STAC: variants seen among roughly 807,000 people sequenced by gnomAD.
STAC encodes SH3 and cysteine rich domain, also known as SH3 and cysteine-rich domain-containing protein.
STAC carries 43 observed loss-of-function variants against 48.8 expected under a neutral mutation model. The ratio of observed to expected loss-of-function variants is 0.88; its 90% CI spans 0.69 to 1.14. STAC has a LOEUF of 1.14. Among genes scored for constraint, STAC ranks in the 50% most tolerant of loss-of-function variants. STAC has a pLI of 0.00. For missense variants in STAC, 497 were observed against 504.0 expected (o/e 0.99, Z 0.13); for synonymous variants, 193 against 179.5 (o/e 1.07, Z -0.60).
intron 2 of STAC, among the ~76,000 whole-genome samples, chr3:36,481,012 A>G (rs1697631637): frequency 6.6e-6 from 1 of 152,246 alleles, no homozygotes; most frequent in Non-Finnish European, 1.5e-5. Flanking sequence ...AAAAAGTAAG[A>G]GGAAAAGGAT....
At chr3:36,517,726 C>T (rs556006691) in intron 8 of STAC, among the ~76,000 whole-genome samples, 48 of 152,212 alleles carry the variant, frequency 3.2e-4, no homozygotes, top group Middle Eastern at 6.8e-3. Flanking sequence ...ATAATCAGCA[C>T]TGTTGTCATT....
At chr3:36,542,364 A>C (rs1699349280) in intron 10 of STAC, among the ~76,000 whole-genome samples, 2 of 152,190 alleles carry the variant, frequency 1.3e-5, no homozygotes, top group African/African-American at 4.8e-5. Context: ...TCAGAAGGTC[A>C]GCCAAAGGTC....
intron 1 of STAC, among the ~76,000 whole-genome samples, chr3:36,438,964 G>C (rs1214901705): frequency 6.6e-6 from 1 of 152,170 alleles, no homozygotes; most frequent in Admixed American, 6.5e-5. Context: ...TATATAAAAT[G>C]AAAGAAATAG....
chr3:36,382,138 T>C (rs758687717), intron 1 of STAC, among the ~76,000 whole-genome samples: 35 of 152,256 alleles, frequency 2.3e-4, no homozygotes, highest in Non-Finnish European at 4.4e-4. Flanking sequence ...ATGCACTACC[T>C]CTCCTCAGTC....
chr3:36,462,795 G>A (rs1352938938), intron 2 of STAC, among the ~76,000 whole-genome samples: 1 of 152,178 alleles, frequency 6.6e-6, no homozygotes, highest in East Asian at 1.9e-4. Context: ...TGGTAAGGAA[G>A]AGATTCTAAT....
chr3:36,503,453 T>C (rs1403605501), intron 6 of STAC, among the ~76,000 whole-genome samples: 1 of 152,118 alleles, frequency 6.6e-6, no homozygotes, highest in East Asian at 1.9e-4. Flanking sequence ...GTTTTTTAGA[T>C]GGAGTCTCAC....
In STAC at chr3:36,546,380, A is replaced by G; in HGVS notation, c.*91A>G. 2 of 1,089,854 alleles carry G rather than the reference A, an allele frequency of 1.8e-6. No individual in the cohort carries two copies. Among genetic ancestry groups the G allele is most frequent in the Non-Finnish European group, 2.8e-6 (2 of 711,768 alleles). 67.5% of individuals were successfully genotyped at this position (1,089,854 alleles called of 1,614,324 possible). ...TGCGTCAACCCAAAGGAGCTGCCGC[A>G]CTGACCCAGCCCCCCAGGAAACAGT... On this transcript the variant is annotated 3_prime_UTR_variant, in exon 11 of 11. Coordinates refer to ENST00000273183, the MANE Select transcript of STAC (RefSeq NM_003149.3).
At chr3:36,437,079 C>T (rs1172105321) in intron 1 of STAC, among the ~76,000 whole-genome samples, 2 of 151,976 alleles carry the variant, frequency 1.3e-5, no homozygotes, top group South Asian at 2.1e-4. Context: ...CAATGAGATA[C>T]CATCTCACAC....
intron 6 of STAC, among the ~76,000 whole-genome samples, chr3:36,497,979 A>T (rs1698188771): frequency 6.6e-6 from 1 of 152,174 alleles, no homozygotes; most frequent in African/African-American, 2.4e-5. Context: ...GACCTCAAAA[A>T]CTTCTCAGAA....
At chr3:36,432,166 CT>C (rs997915896) in intron 1 of STAC, among the ~76,000 whole-genome samples, 14 of 152,290 alleles carry the variant, frequency 9.2e-5, no homozygotes, top group African/African-American at 3.4e-4. Context: ...TTGCCAGATA[CT>C]TTAGATGCTT....
chr3:36,400,986 C>G lies in STAC; in HGVS notation c.111+20232C>G, dbSNP rs77966992. 1.2e-3 allele frequency among the ~76,000 whole-genome samples: 177 copies of G among 152,308 alleles called. 3 individuals are homozygous for G. In the East Asian group the frequency reaches 0.026, roughly 22 times the overall value. On this transcript the variant is annotated intron_variant, in intron 1 of 10. Transcript: ENST00000273183. Reference sequence around the variant, plus strand: ...TAATGGGTTAGTCCAACCTTTCATACACCATCCCTTCTTCCCCAGCTGTGG... The same window carrying G: ...TAATGGGTTAGTCCAACCTTTCATAGACCATCCCTTCTTCCCCAGCTGTGG...
In STAC at chr3:36,507,347, G is replaced by A. The variant is rs543378975; in HGVS notation, c.920+1513G>A. Among the ~76,000 whole-genome samples the A allele has an allele frequency of 1.8e-4, 28 of 152,200 alleles. 1 individual carries two copies. In the South Asian group the frequency reaches 5.2e-3, roughly 28 times the overall value. ...AGTATTTTATGAGGATTTTCACATC[G>A]ATGTTCATCAGGGATATTGGCCTGA... On this transcript the variant is annotated intron_variant, in intron 8 of 10. Transcript: ENST00000273183.
chr3:36,434,772 G>A (rs1020258035), intron 1 of STAC, among the ~76,000 whole-genome samples: 5 of 152,190 alleles, frequency 3.3e-5, no homozygotes, highest in Non-Finnish European at 7.3e-5. Context: ...CAATACACCT[G>A]CTATTACATT....
intron 1 of STAC, among the ~76,000 whole-genome samples, chr3:36,385,980 C>T (rs562303308): frequency 6.6e-6 from 1 of 152,038 alleles, no homozygotes; most frequent in Non-Finnish European, 1.5e-5. Context: ...CTTTGTGGCA[C>T]ATATGAAGCT....
chr3:36,507,999 T>C (rs1698445033), intron 8 of STAC, among the ~76,000 whole-genome samples: 1 of 152,192 alleles, frequency 6.6e-6, no homozygotes, highest in Admixed American at 6.5e-5. Flanking sequence ...CTAGTTCTTT[T>C]AATTGTGATG....
chr3:36,429,887 G>C (rs1265257393), intron 1 of STAC, among the ~76,000 whole-genome samples: 1 of 152,172 alleles, frequency 6.6e-6, no homozygotes, highest in Admixed American at 6.5e-5. Flanking sequence ...AAATTATAAA[G>C]GAAAACTGGA....
At position 36,398,356 on chromosome 3, in the gene STAC, AAAG is replaced by A. The variant is rs1559476994; in HGVS notation, c.111+17605_111+17607del. On this transcript the variant is annotated intron_variant, in intron 1 of 10. Coordinates refer to ENST00000273183, the MANE Select transcript of STAC (RefSeq NM_003149.3). Reference sequence around the variant, plus strand: ...GAAAGAAAGAAAGAAAGAAAGAAAGAAAGAAAGAAAGAAAAGAAAGAGAGAAAG... The same window carrying A: ...GAAAGAAAGAAAGAAAGAAAGAAAGAAAAGAAAGAAAAGAAAGAGAGAAAG... Among the ~76,000 whole-genome samples the A allele has an allele frequency of 9.6e-4, 134 of 139,380 alleles. 2 individuals are homozygous for A. The highest frequency in any genetic ancestry group is 4.9e-3 in the East Asian group (23 of 4,726). The allele number at this position is 139,380 out of a possible 152,430, so 91.4% of individuals were successfully genotyped here. A position where few individuals can be genotyped will look rare whatever the true frequency, so the allele number is the denominator to read the frequency against.
At chr3:36,427,416 C>G (rs1382669802) in intron 1 of STAC, among the ~76,000 whole-genome samples, 1 of 152,218 alleles carries the variant, frequency 6.6e-6, no homozygotes, top group African/African-American at 2.4e-5. Flanking sequence ...CCAGAGAGCT[C>G]TGAGCCATTT....
chr3:36,505,713 CTT>C, intron 7 of STAC, 31 bp from the exon 8 acceptor site: 1 of 1,425,686 alleles, frequency 7.0e-7, no homozygotes, highest in Non-Finnish European at 9.7e-7. Flanking sequence ...TTTCACCTTT[CTT>C]TTCTCATTTT....
Sources: allele counts gnomAD v4.1 joint callset (sites outside exome capture counted in the v4.1 genomes callset), GRCh38; gene constraint gnomAD v4.1.1; transcripts MANE v1.5; gene names NCBI Gene and HGNC (gene_info 2026-07-23, HGNC 2026-07-21).